The following ST3GAL3 variants were observed in gnomAD, a reference collection of about 807,000 sequenced individuals.
ST3GAL3 encodes ST3 beta-galactoside alpha-2,3-sialyltransferase 3.
Under a neutral mutation model 50.1 loss-of-function variants are expected in ST3GAL3, and 21 were observed. The observed-to-expected ratio is 0.42, with a 90% confidence interval of 0.30 to 0.60. The LOEUF is 0.60. Ranked by LOEUF, ST3GAL3 falls within the 20% of genes least tolerant of loss-of-function variation. ST3GAL3 has a pLI of 0.19. For synonymous variants in ST3GAL3, 183 were observed against 190.0 expected (o/e 0.96, Z 0.30); for missense variants, 353 against 489.4 (o/e 0.72, Z 2.63).
chr1:43,765,743 C>CTGTGTGTGTG (rs763910168), intron 2 of ST3GAL3, among the ~76,000 whole-genome samples: 6 of 140,798 alleles, frequency 4.3e-5, no homozygotes, highest in African/African-American at 1.5e-4. Flanking sequence ...ATGTGTGTGT[C>CTGTGTGTGTG]TGTGTGTGTC....
chr1:43,806,304 A>G (rs182257906), intron 3 of ST3GAL3, among the ~76,000 whole-genome samples: 26 of 152,308 alleles, frequency 1.7e-4, no homozygotes, highest in Admixed American at 1.2e-3. Flanking sequence ...TGTAGGAGAA[A>G]TGTCACCTGC....
intron 5 of ST3GAL3, among the ~76,000 whole-genome samples, chr1:43,853,735 G>A (rs559279989): frequency 5.3e-5 from 8 of 152,328 alleles, no homozygotes; most frequent in South Asian, 2.1e-4. Context: ...GTGACTGTGC[G>A]TCTGTGATTC....
chr1:43,898,138 G>T, intron 6 of ST3GAL3, 97 bp from the exon 7 acceptor site: 1 of 1,309,830 alleles, frequency 7.6e-7, no homozygotes, highest in Non-Finnish European at 1.1e-6. Context: ...TTTCACTCTA[G>T]CCCCTAGGGA....
At chr1:43,831,462 C>T (rs958670665) in intron 4 of ST3GAL3, among the ~76,000 whole-genome samples, 18 of 152,184 alleles carry the variant, frequency 1.2e-4, no homozygotes, top group Admixed American at 1.3e-4. Context: ...CCTTTTGCTA[C>T]CCAGACACCA....
At chr1:43,886,327 G>A (rs1234184940) in intron 5 of ST3GAL3, among the ~76,000 whole-genome samples, 4 of 152,162 alleles carry the variant, frequency 2.6e-5, no homozygotes, top group Admixed American at 6.5e-5. Context: ...GTTGCAGTGA[G>A]CCAAGATCAC....
At chr1:43,850,980 T>C (rs2067183849) in intron 5 of ST3GAL3, 7 of 905,526 alleles carry the variant, frequency 7.7e-6, no homozygotes, top group Non-Finnish European at 1.3e-5. Flanking sequence ...TCTCAGGTTC[T>C]TGTGAGTGGT....
intron 2 of ST3GAL3, among the ~76,000 whole-genome samples, chr1:43,750,841 A>G (rs985776606): frequency 6.6e-6 from 1 of 151,798 alleles, no homozygotes; most frequent in Admixed American, 6.6e-5. Flanking sequence ...ACGCCTCTGC[A>G]CTCCAGCCTG....
chr1:43,715,524 C>T (rs1035985172), intron 1 of ST3GAL3, among the ~76,000 whole-genome samples: 3 of 149,836 alleles, frequency 2.0e-5, no homozygotes, highest in Non-Finnish European at 3.0e-5. Context: ...TGCAGTGAGC[C>T]GAGATCATGC....
chr1:43,713,514 G>T (rs1300726997), intron 1 of ST3GAL3, among the ~76,000 whole-genome samples: 1 of 142,286 alleles, frequency 7.0e-6, no homozygotes, highest in Admixed American at 7.7e-5. Context: ...AGATGCCAAC[G>T]TTGTGGGATT....
intron 5 of ST3GAL3, among the ~76,000 whole-genome samples, chr1:43,843,456 T>C (rs1372336162): frequency 6.6e-6 from 1 of 152,238 alleles, no homozygotes; most frequent in Non-Finnish European, 1.5e-5. Flanking sequence ...CATTTGGTCT[T>C]GGTGTATTGT....
intron 5 of ST3GAL3, among the ~76,000 whole-genome samples, chr1:43,864,796 T>C (rs2070884842): frequency 6.6e-6 from 1 of 151,948 alleles, no homozygotes; most frequent in Non-Finnish European, 1.5e-5. Flanking sequence ...TGAGTAAAAA[T>C]GGATTCCTAG....
intron 4 of ST3GAL3, among the ~76,000 whole-genome samples, chr1:43,820,941 T>C (rs145958443): frequency 6.6e-6 from 1 of 152,318 alleles, no homozygotes; most frequent in East Asian, 1.9e-4. Context: ...GAGTTAGCCC[T>C]TATCAGTGTC....
chr1:43,819,574 G>A (rs532293202), intron 4 of ST3GAL3, among the ~76,000 whole-genome samples: 25 of 152,276 alleles, frequency 1.6e-4, no homozygotes, highest in African/African-American at 6.0e-4. Context: ...TATATCTTGA[G>A]AATTATCTCC....
At chr1:43,917,598 A>AT (rs1359667667) in intron 9 of ST3GAL3, among the ~76,000 whole-genome samples, 4 of 14,584 alleles carry the variant, frequency 2.7e-4, no homozygotes, top group African/African-American at 2.9e-4. Flanking sequence ...TATATAATAT[A>AT]TATATTATAT....
chr1:43,743,185 T>A (rs1327583628), intron 2 of ST3GAL3, among the ~76,000 whole-genome samples: 5 of 147,248 alleles, frequency 3.4e-5, no homozygotes, highest in African/African-American at 1.0e-4. Context: ...GAAAAAAAAA[T>A]AAATAATGGC....
intron 9 of ST3GAL3, among the ~76,000 whole-genome samples, chr1:43,908,124 C>T (rs1022300583): frequency 4.6e-5 from 7 of 152,190 alleles, no homozygotes; most frequent in Non-Finnish European, 8.8e-5. Flanking sequence ...GCCAAAAACC[C>T]GGGAAGCATC....
rs537098085 is a variant in ST3GAL3 at position 43,761,025 on chromosome 1, A to C, written c.118+24645A>C. On this transcript the variant is annotated intron_variant, in intron 2 of 11. Coordinates refer to ENST00000347631, the MANE Select transcript of ST3GAL3 (RefSeq NM_006279.5). Reference sequence around the variant, plus strand: ...ATGTCCAAAACAGGCAAATCTATAGAGTCAGAAAGTAGATTAGTGGTTGGA... The same window carrying C: ...ATGTCCAAAACAGGCAAATCTATAGCGTCAGAAAGTAGATTAGTGGTTGGA... Among the ~76,000 whole-genome samples the C allele has an allele frequency of 1.4e-4, 22 of 152,334 alleles. No homozygotes were observed. In the East Asian group the frequency reaches 4.1e-3, roughly 28 times the overall value.
chr1:43,783,450 TTGGG>T (rs1700000305), intron 2 of ST3GAL3, among the ~76,000 whole-genome samples: 1 of 152,232 alleles, frequency 6.6e-6, no homozygotes, highest in Middle Eastern at 3.2e-3. Flanking sequence ...TTGTCTCTGA[TTGGG>T]CTGTCTTTCA....
chr1:43,861,702 C>T (rs1409328622), intron 5 of ST3GAL3, among the ~76,000 whole-genome samples: 6 of 152,226 alleles, frequency 3.9e-5, no homozygotes, highest in African/African-American at 1.4e-4. Flanking sequence ...AGTCCCCCAA[C>T]CTGGAGTGCT....
Sources: allele counts gnomAD v4.1 joint callset (sites outside exome capture counted in the v4.1 genomes callset), GRCh38; gene constraint gnomAD v4.1.1; transcripts MANE v1.5; gene names NCBI Gene and HGNC (gene_info 2026-07-23, HGNC 2026-07-21).